Variants in PLA2G4C observed in about 807,000 individuals in gnomAD.
PLA2G4C encodes phospholipase A2 group IVC, also known as cytosolic phospholipase A2 gamma.
In PLA2G4C, 64 loss-of-function variants were observed where a neutral mutation model predicts 73.8. The ratio of observed to expected loss-of-function variants is 0.87; its 90% CI spans 0.71 to 1.07. The LOEUF is 1.07. Ranked by LOEUF, PLA2G4C falls within the 50% of genes least tolerant of loss-of-function variation. The probability of loss-of-function intolerance (pLI) is 0.00; values close to 1 mark genes in which losing one functional copy is unlikely to be tolerated. For missense variants in PLA2G4C, 622 were observed against 665.4 expected, an observed-to-expected ratio of 0.93 and a Z score of 0.72; for synonymous variants, 254 against 252.1, an observed-to-expected ratio of 1.01 and a Z score of -0.07.
At chr19:48,091,226 C>G (rs140196826) in intron 7 of PLA2G4C, among the ~76,000 whole-genome samples, 1 of 152,220 alleles carries the variant, frequency 6.6e-6, no homozygotes, top group Non-Finnish European at 1.5e-5. Context: ...CGCTCTGTTG[C>G]CCAGGCTGGA....
chr19:48,061,760 T>C, intron 14 of PLA2G4C: 2 of 499,864 alleles, frequency 4.0e-6, no homozygotes, highest in South Asian at 4.1e-5. Flanking sequence ...GGGAGAGTCA[T>C]CTGCCAGGAA....
At chr19:48,050,475 T>C (rs1422144204) in intron 16 of PLA2G4C, among the ~76,000 whole-genome samples, 1 of 151,918 alleles carries the variant, frequency 6.6e-6, no homozygotes, top group Non-Finnish European at 1.5e-5. Context: ...GGAGCTAGGG[T>C]GGGCCTTTGA....
rs943860866 is a variant in PLA2G4C at position 48,099,557 on chromosome 19, T to C, written c.447+114A>G. On this transcript the variant is annotated intron_variant, in intron 5 of 16. Coordinates refer to ENST00000599921, the MANE Select transcript of PLA2G4C (RefSeq NM_003706.3). ...ACCGAAGTGCCCAGATTTTGATGAC[T>C]TGAAAATCCTGAAGGACTTAAAAGG... 10 of 705,838 alleles carry C rather than the reference T, an allele frequency of 1.4e-5. No homozygotes were observed. The East Asian group carries it at 2.7e-4, about 19-fold the overall frequency. 43.7% of individuals were successfully genotyped at this position (705,838 alleles called of 1,614,324 possible).
Position 48,091,002 on chromosome 19 carries a change from A to T in PLA2G4C, c.710-585T>A, listed in dbSNP as rs566801319. Among the ~76,000 whole-genome samples the T allele has an allele frequency of 1.4e-4, 16 of 112,862 alleles. No homozygotes were observed. In the East Asian group the frequency reaches 3.0e-3, roughly 21 times the overall value. The allele number at this position is 112,862 out of a possible 152,430, so 74.0% of individuals were successfully genotyped here. A position where few individuals can be genotyped will look rare whatever the true frequency, so the allele number is the denominator to read the frequency against. Reference sequence around the variant, plus strand: ...GCTTGAGTGACAGAGAGAGACCCTGACTTCAAAAAAAAAAAAAAAAGTTGC... The same window carrying T: ...GCTTGAGTGACAGAGAGAGACCCTGTCTTCAAAAAAAAAAAAAAAAGTTGC... On this transcript the variant is annotated intron_variant, in intron 7 of 16. Transcript: ENST00000599921.
At chr19:48,106,944 A>T (rs2032265998) in intron 1 of PLA2G4C, among the ~76,000 whole-genome samples, 1 of 152,038 alleles carries the variant, frequency 6.6e-6, no homozygotes, top group Non-Finnish European at 1.5e-5. Flanking sequence ...TCCCGGGTTC[A>T]AGCGATTCTC....
At chr19:48,073,483 T>C (rs1189799010) in intron 12 of PLA2G4C, among the ~76,000 whole-genome samples, 4 of 151,862 alleles carry the variant, frequency 2.6e-5, no homozygotes, top group South Asian at 4.2e-4. Flanking sequence ...TTGTCACCCC[T>C]ACCCCCAGCC....
intron 14 of PLA2G4C, among the ~76,000 whole-genome samples, chr19:48,056,554 G>T (rs1450701313): frequency 6.7e-6 from 1 of 150,142 alleles, no homozygotes; most frequent in Non-Finnish European, 1.5e-5. Flanking sequence ...GGCTGGGCAT[G>T]GTGGCTCATG....
intron 1 of PLA2G4C, among the ~76,000 whole-genome samples, chr19:48,106,923 C>T (rs1361887481): frequency 2.0e-5 from 3 of 152,158 alleles, no homozygotes; most frequent in Non-Finnish European, 4.4e-5. Context: ...CGGCTCACTG[C>T]ATCCTCCGCC....
chr19:48,079,956 G>A (rs1001802282), intron 10 of PLA2G4C, among the ~76,000 whole-genome samples: 3 of 152,262 alleles, frequency 2.0e-5, no homozygotes, highest in African/African-American at 4.8e-5. Flanking sequence ...GTGAGACTCC[G>A]TCTCAAAAAT....
chr19:48,077,647 C>A, intron 11 of PLA2G4C, 124 bp downstream of exon 11: 1 of 695,616 alleles, frequency 1.4e-6, no homozygotes, highest in East Asian at 3.0e-5. Context: ...GTCCATGCTC[C>A]TCTCCATTCC....
intron 12 of PLA2G4C, among the ~76,000 whole-genome samples, chr19:48,071,895 C>T (rs1027000288): frequency 1.3e-5 from 2 of 151,972 alleles, no homozygotes; most frequent in Non-Finnish European, 2.9e-5. Context: ...CATCTGTAAT[C>T]CCAGCACTTT....
chr19:48,068,026 C>T lies in PLA2G4C; in HGVS notation c.1007-140G>A, dbSNP rs528921524. 765 of 686,700 alleles carry T rather than the reference C, an allele frequency of 1.1e-3. 7 individuals are homozygous for T. The highest frequency in any genetic ancestry group is 5.3e-3 in the South Asian group (321 of 60,730). 42.5% of individuals were successfully genotyped at this position (686,700 alleles called of 1,614,324 possible). A position where few individuals can be genotyped will look rare whatever the true frequency, so the allele number is the denominator to read the frequency against. On this transcript the variant is annotated intron_variant, in intron 12 of 16. Transcript: ENST00000599921. ...GACTTTTAAAGAGGTCATTCAGGGCCGGCGCGTTGGCTCACGCCAGTCATC... is the reference window on the plus strand; with the variant it reads ...GACTTTTAAAGAGGTCATTCAGGGCTGGCGCGTTGGCTCACGCCAGTCATC...
chr19:48,102,605 T>C (rs1378690518), intron 4 of PLA2G4C, among the ~76,000 whole-genome samples: 18 of 152,194 alleles, frequency 1.2e-4, no homozygotes, highest in African/African-American at 4.3e-4. Flanking sequence ...TTGCATGTGT[T>C]TCATCATTTA....
At chr19:48,106,750 G>A in intron 1 of PLA2G4C, 189 bp from the exon 2 acceptor site, 1 of 567,990 alleles carries the variant, frequency 1.8e-6, no homozygotes. Context: ...CAAGCGAGGA[G>A]AATGGGAGAA....
intron 14 of PLA2G4C, among the ~76,000 whole-genome samples, chr19:48,060,076 C>A (rs111494116): frequency 1.2e-4 from 18 of 151,946 alleles, no homozygotes; most frequent in African/African-American, 4.1e-4. Flanking sequence ...GCTGGGCTTC[C>A]CTACTTTTGA....
Position 48,055,066 on chromosome 19 carries a change from A to G in PLA2G4C, c.1258-17T>C. The G allele has an allele frequency of 1.3e-6, 2 of 1,582,710 alleles. No homozygotes were observed. Among genetic ancestry groups the G allele is most frequent in the Non-Finnish European group, 1.7e-6 (2 of 1,165,812 alleles). On this transcript the variant is annotated splice_polypyrimidine_tract_variant and intron_variant, in intron 14 of 16. Coordinates refer to ENST00000599921, the MANE Select transcript of PLA2G4C (RefSeq NM_003706.3). Reference sequence around the variant, plus strand: ...CCGGATGGTCTGAGAAGGAGGCAATAAGAAATGGTTGCAAGACCTCTCCAG... The same window carrying G: ...CCGGATGGTCTGAGAAGGAGGCAATGAGAAATGGTTGCAAGACCTCTCCAG...
chr19:48,066,472 G>C (rs1968425827), intron 13 of PLA2G4C, among the ~76,000 whole-genome samples: 1 of 152,012 alleles, frequency 6.6e-6, no homozygotes, highest in Non-Finnish European at 1.5e-5. Flanking sequence ...CTGAAGTCCT[G>C]TGTGCCTTGT....
intron 1 of PLA2G4C, 138 bp downstream of exon 1, chr19:48,110,349 A>G: frequency 7.0e-6 from 4 of 573,892 alleles, no homozygotes; most frequent in South Asian, 4.2e-5. Flanking sequence ...CTGTCTCAAA[A>G]AAAAATAAAT....
At chr19:48,057,480 CTTCTTTTTTTTT>C (rs1331660585) in intron 14 of PLA2G4C, among the ~76,000 whole-genome samples, 46 of 28,082 alleles carry the variant, frequency 1.6e-3, no homozygotes, top group South Asian at 6.5e-3. Context: ...TCTTCTTCTT[CTTCTTTTTTTTT>C]TTTTTTTTTT....
Sources: gnomAD v4.1 joint callset for allele counts (sites outside exome capture counted in the v4.1 genomes callset) on GRCh38, gnomAD v4.1.1 for gene constraint, MANE v1.5 for transcripts, NCBI Gene and HGNC (gene_info 2026-07-23, HGNC 2026-07-21) for gene names.